The following ENOX2 variants were observed in gnomAD, a reference collection of about 807,000 sequenced individuals.
ENOX2 encodes ecto-NOX disulfide-thiol exchanger 2.
ENOX2 carries 36 observed loss-of-function variants against 45.0 expected under a neutral mutation model. That is an observed-to-expected ratio of 0.80 (90% CI 0.61 to 1.06). The LOEUF is 1.06. ENOX2 is among the 50% of genes least tolerant of loss of function. The pLI is 0.00. For missense variants in ENOX2, 423 were observed against 462.5 expected, an observed-to-expected ratio of 0.91 and a Z score of 0.78; for synonymous variants, 174 against 152.3, an observed-to-expected ratio of 1.14 and a Z score of -1.05.
chrX:130,699,682 G>C (rs1289777571), intron 4 of ENOX2, among the ~76,000 whole-genome samples: 1 of 111,654 alleles, frequency 9.0e-6, no homozygotes, highest in Non-Finnish European at 1.9e-5. Flanking sequence ...TTGGCAAGAA[G>C]AAAGGTAGGG....
chrX:130,898,662 T>C (rs1457545569), intron 2 of ENOX2, among the ~76,000 whole-genome samples: 1 of 111,187 alleles, frequency 9.0e-6, no homozygotes, highest in Non-Finnish European at 1.9e-5. Flanking sequence ...TACTTAGTAA[T>C]CCATTCTATA....
At chrX:130,663,503 C>A (rs1235990147) in intron 9 of ENOX2, among the ~76,000 whole-genome samples, 1 of 103,242 alleles carries the variant, frequency 9.7e-6, no homozygotes, top group Admixed American at 1.0e-4. Flanking sequence ...TGCACTCCAG[C>A]CTGGGCGACA....
chrX:130,762,247 A>C (rs926721925), intron 3 of ENOX2, among the ~76,000 whole-genome samples: 1 of 111,863 alleles, frequency 8.9e-6, no homozygotes, highest in Non-Finnish European at 1.9e-5. Context: ...AAATTTTGAT[A>C]TGTTGTATTT....
At chrX:130,895,751 C>T (rs953182504) in intron 2 of ENOX2, among the ~76,000 whole-genome samples, 5 of 112,077 alleles carry the variant, frequency 4.5e-5, no homozygotes, top group Non-Finnish European at 9.4e-5. Flanking sequence ...TCTTTTTTCT[C>T]CTCCTAGATT....
chrX:130,771,185 G>T (rs1484548623), intron 3 of ENOX2, among the ~76,000 whole-genome samples: 3 of 112,358 alleles, frequency 2.7e-5, no homozygotes, highest in Non-Finnish European at 5.6e-5. Context: ...TCAGGTGCTT[G>T]TTATACGAGT....
intron 2 of ENOX2, among the ~76,000 whole-genome samples, chrX:130,806,227 T>G (rs1311093643): frequency 2.7e-5 from 3 of 112,138 alleles, no homozygotes; most frequent in Non-Finnish European, 5.6e-5. Context: ...GAACACCTTT[T>G]TAACTACATT....
intron 10 of ENOX2, among the ~76,000 whole-genome samples, chrX:130,652,845 A>G (rs1277597364): frequency 8.9e-6 from 1 of 112,266 alleles, no homozygotes; most frequent in Non-Finnish European, 1.9e-5. Flanking sequence ...AACATCAAAG[A>G]TTGCTGGAAA....
chrX:130,878,163 G>A (rs760979637), intron 2 of ENOX2, among the ~76,000 whole-genome samples: 5 of 112,242 alleles, frequency 4.5e-5, no homozygotes, highest in Admixed American at 9.4e-5. Flanking sequence ...CCATGTTAGA[G>A]TGAGGTTCTT....
intron 3 of ENOX2, among the ~76,000 whole-genome samples, chrX:130,729,321 G>C (rs1439896636): frequency 8.9e-6 from 1 of 112,065 alleles, no homozygotes; most frequent in Non-Finnish European, 1.9e-5. Context: ...GTAGAAGTTT[G>C]GGGTTTAGAG....
chrX:130,673,188 C>T (rs2037035605), intron 6 of ENOX2, among the ~76,000 whole-genome samples: 1 of 111,364 alleles, frequency 9.0e-6, no homozygotes. Flanking sequence ...ACAGTCACAT[C>T]TTCGGAGTTG....
intron 3 of ENOX2, among the ~76,000 whole-genome samples, chrX:130,758,380 C>A (rs2039401759): frequency 8.9e-6 from 1 of 112,084 alleles, no homozygotes; most frequent in Non-Finnish European, 1.9e-5. Context: ...CAGCATGTAA[C>A]CTTTCAGGCT....
chrX:130,817,994 A>G (rs2077519342), intron 2 of ENOX2, among the ~76,000 whole-genome samples: 1 of 112,070 alleles, frequency 8.9e-6, no homozygotes, highest in Non-Finnish European at 1.9e-5. Context: ...TTTGCAGATG[A>G]CATGATTGTA....
chrX:130,804,195 A>T (rs2077263550), intron 2 of ENOX2, among the ~76,000 whole-genome samples: 1 of 112,274 alleles, frequency 8.9e-6, no homozygotes, highest in Non-Finnish European at 1.9e-5. Context: ...TACAAACCAG[A>T]TAATGAGCTC....
chrX:130,875,481 T>G (rs2078680690), intron 2 of ENOX2, among the ~76,000 whole-genome samples: 1 of 111,491 alleles, frequency 9.0e-6, no homozygotes, highest in South Asian at 3.7e-4. Context: ...AGGAATAAAA[T>G]TGAGTGTTCA....
intron 2 of ENOX2, among the ~76,000 whole-genome samples, chrX:130,841,019 G>A (rs1191619327): frequency 2.7e-5 from 3 of 111,811 alleles, no homozygotes; most frequent in Non-Finnish European, 5.6e-5. Context: ...CTTCTAATTG[G>A]AGAAACACCA....
At chrX:130,775,062 G>C (rs2039820965) in intron 3 of ENOX2, among the ~76,000 whole-genome samples, 1 of 111,996 alleles carries the variant, frequency 8.9e-6, no homozygotes, top group Admixed American at 9.4e-5. Flanking sequence ...ACTTCTCTGG[G>C]CTTTCACCCC....
chrX:130,800,776 G>T (rs1294546508), intron 2 of ENOX2, among the ~76,000 whole-genome samples: 1 of 111,912 alleles, frequency 8.9e-6, no homozygotes, highest in Non-Finnish European at 1.9e-5. Flanking sequence ...CCTCCAAATT[G>T]AAATGGTCAT....
At chrX:130,854,742 T>A (rs2078277082) in intron 2 of ENOX2, among the ~76,000 whole-genome samples, 1 of 111,871 alleles carries the variant, frequency 8.9e-6, no homozygotes, top group Admixed American at 9.5e-5. Context: ...TGAGGCTTAT[T>A]ACAGGGATGC....
At chrX:130,786,508 G>T (rs746241439) in intron 2 of ENOX2, among the ~76,000 whole-genome samples, 49 of 94,466 alleles carry the variant, frequency 5.2e-4, no homozygotes, top group African/African-American at 1.5e-3. Flanking sequence ...ACCCACTAAC[G>T]TGTCATCTAG....
Sources: allele counts gnomAD v4.1 joint callset (sites outside exome capture counted in the v4.1 genomes callset), GRCh38; gene constraint gnomAD v4.1.1; transcripts MANE v1.5; gene names NCBI Gene and HGNC (gene_info 2026-07-23, HGNC 2026-07-21).